The following ALG9 variants were observed in gnomAD, a reference collection of about 807,000 sequenced individuals.
The protein encoded by ALG9 is ALG9 alpha-1,2-mannosyltransferase.
In ALG9, 55 loss-of-function variants were observed where a neutral mutation model predicts 81.8. The observed-to-expected ratio is 0.67, with a 90% CI of 0.54 to 0.84. ALG9 has a LOEUF of 0.84. Ranked by LOEUF, ALG9 falls within the 40% of genes least tolerant of loss-of-function variation. ALG9 has a pLI of 0.00. For missense variants in ALG9, 629 were observed against 745.0 expected, an observed-to-expected ratio of 0.84 and a Z score of 1.81; for synonymous variants, 278 against 274.3, an observed-to-expected ratio of 1.01 and a Z score of -0.13.
intron 6 of ALG9, among the ~76,000 whole-genome samples, chr11:111,855,339 A>C (rs1042064785): frequency 2.6e-5 from 4 of 152,226 alleles, no homozygotes; most frequent in Admixed American, 1.3e-4. Flanking sequence ...GCTGCCATAG[A>C]GTTTAAAACA....
At chr11:111,851,428 A>G (rs537092527) in intron 8 of ALG9, among the ~76,000 whole-genome samples, 2 of 151,096 alleles carry the variant, frequency 1.3e-5, no homozygotes, top group African/African-American at 4.9e-5. Context: ...CAGTGAGCAG[A>G]GATCATGCCA....
intron 9 of ALG9, 86 bp downstream of exon 9, chr11:111,844,511 TAAAG>T: frequency 6.3e-7 from 1 of 1,576,314 alleles, no homozygotes; most frequent in Non-Finnish European, 8.7e-7. Flanking sequence ...ATGTGGAAAA[TAAAG>T]TAAGTAGGAT....
chr11:111,863,163 A>T (rs1409575310), intron 4 of ALG9, among the ~76,000 whole-genome samples: 1 of 151,978 alleles, frequency 6.6e-6, no homozygotes, highest in Non-Finnish European at 1.5e-5. Context: ...CGAAGTCAGG[A>T]GACCAAGACA....
At chr11:111,798,623 G>A (rs1948650054) in intron 14 of ALG9, among the ~76,000 whole-genome samples, 1 of 152,192 alleles carries the variant, frequency 6.6e-6, no homozygotes, top group Non-Finnish European at 1.5e-5. Flanking sequence ...TAGAAAGTAT[G>A]TAATATGAGA....
intron 13 of ALG9, among the ~76,000 whole-genome samples, chr11:111,822,009 T>C (rs1647793798): frequency 6.6e-6 from 1 of 152,184 alleles, no homozygotes; most frequent in African/African-American, 2.4e-5. Flanking sequence ...AATACCCACT[T>C]GAGGGACTTC....
intron 14 of ALG9, among the ~76,000 whole-genome samples, chr11:111,787,691 C>T (rs1269575022): frequency 6.6e-6 from 1 of 151,926 alleles, no homozygotes; most frequent in East Asian, 2.0e-4. Flanking sequence ...ATCTCCTGAC[C>T]TCGTGATCCG....
chr11:111,836,882 G>C (rs1321249178), intron 12 of ALG9, among the ~76,000 whole-genome samples: 1 of 152,174 alleles, frequency 6.6e-6, no homozygotes, highest in Non-Finnish European at 1.5e-5. Flanking sequence ...TTCTCAAATG[G>C]AGCAACATGA....
chr11:111,768,025 T>G, the ALG9 span, among the ~76,000 whole-genome samples: 21 of 152,244 alleles, frequency 1.4e-4, no homozygotes, highest in African/African-American at 5.1e-4. Context: ...CATTTACATG[T>G]GTGTTTTAGT....
At chr11:111,851,567 T>A (rs1482953605) in intron 8 of ALG9, among the ~76,000 whole-genome samples, 1 of 151,804 alleles carries the variant, frequency 6.6e-6, no homozygotes, top group Non-Finnish European at 1.5e-5. Context: ...TCACAAAAGG[T>A]TTTATAAAGA....
chr11:111,782,004 C>T (rs1260944680), downstream of ALG9, among the ~76,000 whole-genome samples: 1 of 152,190 alleles, frequency 6.6e-6, no homozygotes, highest in East Asian at 1.9e-4. Flanking sequence ...CTAATCCTCA[C>T]TGGGTTTCCC....
intron 14 of ALG9, among the ~76,000 whole-genome samples, chr11:111,801,685 C>T (rs1005125968): frequency 6.6e-6 from 1 of 152,202 alleles, no homozygotes; most frequent in Non-Finnish European, 1.5e-5. Context: ...ATACTTTACA[C>T]ATGAACTGTA....
intron 14 of ALG9, among the ~76,000 whole-genome samples, chr11:111,790,457 G>A (rs1555069454): frequency 6.6e-6 from 1 of 152,046 alleles, no homozygotes; most frequent in South Asian, 2.1e-4. Flanking sequence ...CAGCAAAACC[G>A]CATTTCTGAA....
intron 3 of ALG9, among the ~76,000 whole-genome samples, chr11:111,865,939 T>C (rs139092698): frequency 6.6e-6 from 1 of 152,210 alleles, no homozygotes; most frequent in Admixed American, 6.5e-5. Context: ...AGTAGCTTTA[T>C]ACTACAGAAT....
intron 13 of ALG9, among the ~76,000 whole-genome samples, chr11:111,813,557 C>T (rs782338696): frequency 7.2e-5 from 11 of 152,058 alleles, no homozygotes; most frequent in Non-Finnish European, 1.5e-4. Context: ...AGTCAAAAAA[C>T]ATTAAGAATT....
chr11:111,794,095 T>C (rs1947877031), intron 14 of ALG9, among the ~76,000 whole-genome samples: 1 of 152,206 alleles, frequency 6.6e-6, no homozygotes, highest in South Asian at 2.1e-4. Context: ...CGGCTCAGAA[T>C]GTTTTCTAAT....
intron 9 of ALG9, among the ~76,000 whole-genome samples, chr11:111,842,806 G>C (rs536116542): frequency 1.3e-5 from 2 of 152,040 alleles, no homozygotes; most frequent in African/African-American, 4.8e-5. Context: ...TTTCTTACTA[G>C]GTAGATATGT....
At chr11:111,791,440 G>A (rs1461853370) in intron 14 of ALG9, among the ~76,000 whole-genome samples, 1 of 152,164 alleles carries the variant, frequency 6.6e-6, no homozygotes, top group Non-Finnish European at 1.5e-5. Flanking sequence ...AATATTCCAA[G>A]GTACGCTAAG....
At chr11:111,823,433 CAAGTCTTGAGCAATTAGA>C (rs1473316150) in intron 13 of ALG9, among the ~76,000 whole-genome samples, 1 of 152,144 alleles carries the variant, frequency 6.6e-6, no homozygotes, top group Non-Finnish European at 1.5e-5. Context: ...TTTACACTGC[CAAGTCTTGAGCAATTAGA>C]AAGTCTATGT....
At chr11:111,779,515 A>G (rs1945809848), downstream of ALG9, among the ~76,000 whole-genome samples, 1 of 151,934 alleles carries the variant, frequency 6.6e-6, no homozygotes, top group Non-Finnish European at 1.5e-5. Flanking sequence ...TTATATATGT[A>G]TATTTTTACA....
Sources: gnomAD v4.1 joint callset for allele counts (sites outside exome capture counted in the v4.1 genomes callset) on GRCh38, gnomAD v4.1.1 for gene constraint, MANE v1.5 for transcripts, NCBI Gene and HGNC (gene_info 2026-07-23, HGNC 2026-07-21) for gene names.